Variants in ADAMTS6 observed in about 807,000 individuals in gnomAD.
The protein encoded by ADAMTS6 is A disintegrin and metalloproteinase with thrombospondin motifs 6.
In ADAMTS6, 23 loss-of-function variants were observed where a neutral mutation model predicts 144.3. The ratio of observed to expected loss-of-function variants is 0.16; its 90% CI spans 0.11 to 0.23. ADAMTS6 has a LOEUF of 0.23. ADAMTS6 is among the 10% of genes least tolerant of loss of function. The pLI, the probability that ADAMTS6 is intolerant of heterozygous loss-of-function variation, is 1.00. For missense variants in ADAMTS6, 999 were observed against 1,379.6 expected, an observed-to-expected ratio of 0.72 and a Z score of 4.37; for synonymous variants, 444 against 457.5, an observed-to-expected ratio of 0.97 and a Z score of 0.38.
At chr5:65,467,150 C>A (rs1160455271) in intron 3 of ADAMTS6, among the ~76,000 whole-genome samples, 1 of 149,944 alleles carries the variant, frequency 6.7e-6, no homozygotes, top group Non-Finnish European at 1.5e-5. Flanking sequence ...GAAAAGAAGA[C>A]GAAATCGGGG....
At chr5:65,421,174 G>A (rs966260273) in intron 7 of ADAMTS6, among the ~76,000 whole-genome samples, 7 of 152,128 alleles carry the variant, frequency 4.6e-5, no homozygotes, top group African/African-American at 1.7e-4. Context: ...TGAGTTTTAT[G>A]CTTTCAAGAG....
At chr5:65,433,726 A>T (rs1757172256) in intron 7 of ADAMTS6, among the ~76,000 whole-genome samples, 1 of 152,196 alleles carries the variant, frequency 6.6e-6, no homozygotes, top group Admixed American at 6.5e-5. Flanking sequence ...TAGAAAGATT[A>T]TAACTAACAA....
intron 24 of ADAMTS6, among the ~76,000 whole-genome samples, chr5:65,158,896 G>A (rs1160354057): frequency 6.6e-6 from 1 of 151,876 alleles, no homozygotes; most frequent in Non-Finnish European, 1.5e-5. Flanking sequence ...TTTGTTGCTT[G>A]ACCTCCCTCC....
intron 7 of ADAMTS6, among the ~76,000 whole-genome samples, chr5:65,347,702 T>C (rs920778546): frequency 1.3e-5 from 2 of 151,972 alleles, no homozygotes; most frequent in Non-Finnish European, 2.9e-5. Flanking sequence ...AATTTAACAG[T>C]GATAAGACAA....
intron 21 of ADAMTS6, among the ~76,000 whole-genome samples, chr5:65,189,625 G>A (rs1338490372): frequency 6.6e-6 from 1 of 152,178 alleles, no homozygotes; most frequent in Non-Finnish European, 1.5e-5. Context: ...CAAGGGTCTT[G>A]ACTGACATAT....
intron 3 of ADAMTS6, among the ~76,000 whole-genome samples, chr5:65,461,261 T>C (rs536037931): frequency 6.6e-6 from 1 of 152,342 alleles, no homozygotes; most frequent in South Asian, 2.1e-4. Flanking sequence ...AATCCCACAC[T>C]GCTTTGTTAC....
At chr5:65,344,510 A>G (rs1373371936) in intron 7 of ADAMTS6, among the ~76,000 whole-genome samples, 2 of 151,892 alleles carry the variant, frequency 1.3e-5, no homozygotes, top group Non-Finnish European at 2.9e-5. Flanking sequence ...TGGCTTTATC[A>G]TATTTTACCG....
At chr5:65,292,261 A>G (rs536926642) in intron 10 of ADAMTS6, among the ~76,000 whole-genome samples, 2 of 152,186 alleles carry the variant, frequency 1.3e-5, no homozygotes, top group Non-Finnish European at 2.9e-5. Flanking sequence ...GTCAGTGTGC[A>G]TAAAATAGGA....
At chr5:65,178,732 A>C (rs1221503051) in intron 22 of ADAMTS6, among the ~76,000 whole-genome samples, 1 of 152,236 alleles carries the variant, frequency 6.6e-6, no homozygotes, top group Non-Finnish European at 1.5e-5. Context: ...CTGAATATAA[A>C]GGCCCCCCAT....
At chr5:65,255,378 G>T (rs139585181) in intron 14 of ADAMTS6, among the ~76,000 whole-genome samples, 3 of 152,068 alleles carry the variant, frequency 2.0e-5, no homozygotes, top group Non-Finnish European at 1.5e-5. Flanking sequence ...ACTGCACCCA[G>T]TGTGTAGTAT....
At chr5:65,275,355 GAA>G (rs1762392947) in intron 11 of ADAMTS6, among the ~76,000 whole-genome samples, 1 of 9,818 alleles carries the variant, frequency 1.0e-4, no homozygotes, top group Non-Finnish European at 2.4e-4. Context: ...AGAAAGAAGA[GAA>G]AGAAAGAAAG....
intron 9 of ADAMTS6, among the ~76,000 whole-genome samples, chr5:65,317,635 G>A (rs1745141034): frequency 6.6e-6 from 1 of 152,048 alleles, no homozygotes; most frequent in South Asian, 2.1e-4. Flanking sequence ...CACAGAACGG[G>A]AGAAAATATT....
At chr5:65,343,125 A>C (rs1748006730) in intron 7 of ADAMTS6, among the ~76,000 whole-genome samples, 1 of 152,146 alleles carries the variant, frequency 6.6e-6, no homozygotes. Context: ...CATACTACCC[A>C]AATCAATGTA....
intron 11 of ADAMTS6, among the ~76,000 whole-genome samples, chr5:65,275,399 GAAAGAAAGAAAGAAAGAA>G (rs1561364331): frequency 2.7e-5 from 3 of 109,966 alleles, no homozygotes; most frequent in Non-Finnish European, 6.1e-5. Flanking sequence ...AAGAAAGAAA[GAAAGAAAGAAAGAAAGAA>G]AAGAAAGAAA....
intron 7 of ADAMTS6, among the ~76,000 whole-genome samples, chr5:65,446,832 T>C (rs1023151194): frequency 1.3e-5 from 2 of 152,108 alleles, no homozygotes; most frequent in African/African-American, 4.8e-5. Flanking sequence ...ATGTAGGGAA[T>C]GGAGGATGAC....
chr5:65,286,552 G>T (rs1009833533), intron 11 of ADAMTS6, among the ~76,000 whole-genome samples: 6 of 152,080 alleles, frequency 3.9e-5, no homozygotes, highest in African/African-American at 1.4e-4. Flanking sequence ...AATAAACAAA[G>T]CTATGATGTC....
intron 11 of ADAMTS6, among the ~76,000 whole-genome samples, chr5:65,274,732 T>C (rs887378757): frequency 7.9e-5 from 12 of 152,162 alleles, no homozygotes; most frequent in Non-Finnish European, 1.5e-5. Context: ...TCACCTAGGC[T>C]GGAGTGCGGT....
chr5:65,169,720 G>A (rs530531794), intron 24 of ADAMTS6, among the ~76,000 whole-genome samples: 5 of 151,688 alleles, frequency 3.3e-5, no homozygotes, highest in Non-Finnish European at 7.4e-5. Flanking sequence ...AAAATGATGA[G>A]TTCATGTCCT....
intron 7 of ADAMTS6, among the ~76,000 whole-genome samples, chr5:65,450,622 T>A (rs1758663005): frequency 6.6e-6 from 1 of 152,212 alleles, no homozygotes; most frequent in African/African-American, 2.4e-5. Flanking sequence ...CACACTTATC[T>A]TAAAATAATT....
Sources: gnomAD v4.1 joint callset for allele counts (sites outside exome capture counted in the v4.1 genomes callset) on GRCh38, gnomAD v4.1.1 for gene constraint, MANE v1.5 for transcripts, NCBI Gene and HGNC (gene_info 2026-07-23, HGNC 2026-07-21) for gene names.